The following NEB variants were observed in gnomAD, a reference collection of about 807,000 sequenced individuals.
NEB encodes the protein nebulin, also known as nemaline myopathy type 2.
In NEB, 512 loss-of-function variants were observed where a neutral mutation model predicts 952.2. That is an observed-to-expected ratio of 0.54 (90% CI 0.50 to 0.58). The LOEUF (loss-of-function observed/expected upper bound fraction) is 0.58, where lower values mean the gene tolerates loss of function less well. Among genes scored for constraint, NEB ranks in the 20% least tolerant of loss-of-function variants. The pLI is 0.00. For synonymous variants in NEB, 2,900 were observed against 3,149.8 expected, an observed-to-expected ratio of 0.92 and a Z score of 2.66; for missense variants, 8,428 against 9,231.1, an observed-to-expected ratio of 0.91 and a Z score of 3.56.
intron 65 of NEB, among the ~76,000 whole-genome samples, chr2:151,632,830 C>T (rs1422679410): frequency 6.6e-6 from 1 of 152,056 alleles, no homozygotes; most frequent in Non-Finnish European, 1.5e-5. Context: ...AGATGGTAAG[C>T]AATCTGTCAA....
intron 181 of NEB, among the ~76,000 whole-genome samples, chr2:151,488,457 G>C (rs1244288153): frequency 1.3e-5 from 2 of 150,416 alleles, no homozygotes; most frequent in East Asian, 1.9e-4. Flanking sequence ...GACCAGCCTG[G>C]GCAACATAGT....
intron 3 of NEB, 132 bp from the exon 4 acceptor site, chr2:151,729,788 A>AG: frequency 2.2e-6 from 2 of 895,052 alleles, no homozygotes; most frequent in South Asian, 2.8e-5. Context: ...GGGGTAGGTG[A>AG]GGGAGCCTGT....
intron 86 of NEB, 105 bp downstream of exon 86, chr2:151,603,463 GT>G: frequency 9.5e-7 from 1 of 1,056,504 alleles, no homozygotes. Flanking sequence ...ATGCAAACGT[GT>G]TTCAGATCCT....
chr2:151,675,946 CTT>C (rs776689113), intron 34 of NEB, among the ~76,000 whole-genome samples: 3 of 152,138 alleles, frequency 2.0e-5, no homozygotes, highest in Non-Finnish European at 4.4e-5. Flanking sequence ...ATTATATACA[CTT>C]TTGACTGAAA....
At chr2:151,578,525 G>C (rs1311380233) in intron 105 of NEB, among the ~76,000 whole-genome samples, 1 of 151,630 alleles carries the variant, frequency 6.6e-6, no homozygotes, top group African/African-American at 2.4e-5. Context: ...GCCGACTGTG[G>C]TGGCATGTGC....
rs1177903003 is a variant in NEB at position 151,541,401 on chromosome 2, C to A, written c.20682+46G>T. 2.7e-6 allele frequency: 4 copies of A among 1,463,136 alleles called. No individual in the cohort carries two copies. In the African/African-American group the frequency reaches 5.6e-5, roughly 20 times the overall value. 90.6% of individuals were successfully genotyped at this position (1,463,136 alleles called of 1,614,324 possible). A position where few individuals can be genotyped will look rare whatever the true frequency, so the allele number is the denominator to read the frequency against. ...AGGTGAGGCCAGGCACATATAATCA[C>A]CCCCTGTGATGCCTGAGTGGCAGGC... is the stretch of plus-strand genomic sequence containing the variant. On this transcript the variant is annotated intron_variant, in intron 136 of 181. Transcript: ENST00000397345.
intron 73 of NEB, 72 bp from the exon 74 acceptor site, chr2:151,618,550 C>A: frequency 7.1e-7 from 1 of 1,414,050 alleles, no homozygotes; most frequent in East Asian, 2.4e-5. Context: ...ATGGGTTATC[C>A]TAGAGAAACA....
chr2:151,544,663 C>T (rs904823427), intron 135 of NEB, among the ~76,000 whole-genome samples: 3 of 152,208 alleles, frequency 2.0e-5, no homozygotes, highest in Non-Finnish European at 4.4e-5. Context: ...TTTGCAAAAG[C>T]TGAAGAGTTA....
chr2:151,514,964 A>G (rs1385285520), intron 157 of NEB, 36 bp from the exon 158 acceptor site: 2 of 1,371,576 alleles, frequency 1.5e-6, no homozygotes, highest in Non-Finnish European at 2.0e-6. Context: ...AGTTAAAAAA[A>G]AATCTTTATT....
chr2:151,695,565 A>C lies in NEB; in HGVS notation c.1674+13T>G. On this transcript the variant is annotated intron_variant, in intron 18 of 181. Coordinates refer to ENST00000397345, the MANE Select transcript of NEB (RefSeq NM_001164508.2). ...GTCAGTACATCACATGGTACAGGGC[A>C]TAAGGAACTTACATCACTCAAGTTA... The C allele has an allele frequency of 1.3e-6, 2 of 1,597,296 alleles. No individual in the cohort carries two copies. Among genetic ancestry groups the C allele is most frequent in the Non-Finnish European group, 1.7e-6 (2 of 1,165,100 alleles).
Position 151,606,703 on chromosome 2 carries a change from T to C in NEB, c.12650A>G (p.Gln4217Arg). The change falls in exon 84 of 182, where the codon CAA (glutamine) becomes CGA (arginine). Residue 4217 changes from glutamine (Q) to arginine (R), a missense_variant. This residue lies in a region of NEB where 14 missense variants were observed against 46.4 expected (regional missense o/e 0.30). Transcript: ENST00000397345. ...NALQISNKLYQKDWNDAKQKG... is the reference protein window; with the variant it reads ...NALQISNKLYRKDWNDAKQKG... Reference sequence around the variant, plus strand: ...CTGCTTGGCGTCATTCCAGTCTTTTTGGTAGAGTTTCTATAGAGGGAAAAT... The same window carrying C: ...CTGCTTGGCGTCATTCCAGTCTTTTCGGTAGAGTTTCTATAGAGGGAAAAT... 1 of 945,874 alleles carries C rather than the reference T, an allele frequency of 1.1e-6. No homozygotes were observed. The highest frequency in any genetic ancestry group is 1.5e-6 in the Non-Finnish European group (1 of 673,052). The allele number at this position is 945,874 out of a possible 1,614,324, so 58.6% of individuals were successfully genotyped here. A position where few individuals can be genotyped will look rare whatever the true frequency, so the allele number is the denominator to read the frequency against.
chr2:151,486,982 G>GA (rs968852196), intron 181 of NEB, among the ~76,000 whole-genome samples: 1 of 152,098 alleles, frequency 6.6e-6, no homozygotes, highest in Admixed American at 6.5e-5. Flanking sequence ...GAGATGGTTG[G>GA]AAAAAAAGCT....
At chr2:151,494,044 A>C in intron 174 of NEB, 117 bp downstream of exon 174, 1 of 960,550 alleles carries the variant, frequency 1.0e-6, no homozygotes, top group Non-Finnish European at 1.6e-6. Context: ...TATTTAGAGC[A>C]GATGCAAATG....
intron 141 of NEB, among the ~76,000 whole-genome samples, chr2:151,536,623 G>C (rs529199721): frequency 2.2e-4 from 33 of 152,126 alleles, no homozygotes; most frequent in Non-Finnish European, 3.7e-4. Flanking sequence ...GCCCTAGAAT[G>C]AATCTGGCCC....
At chr2:151,574,974 A>G (rs901505746) in intron 107 of NEB, among the ~76,000 whole-genome samples, 2 of 152,106 alleles carry the variant, frequency 1.3e-5, no homozygotes, top group African/African-American at 2.4e-5. Flanking sequence ...TCCTGGGCTC[A>G]AGCAATCCTC....
chr2:151,542,207 T>G (rs1035754864), intron 135 of NEB, among the ~76,000 whole-genome samples: 2 of 152,200 alleles, frequency 1.3e-5, no homozygotes, highest in African/African-American at 4.8e-5. Flanking sequence ...TTCCTGTCTT[T>G]TAGACCTCCT....
intron 24 of NEB, chr2:151,690,124 G>A (rs1469218143): frequency 6.5e-6 from 1 of 154,010 alleles, no homozygotes; most frequent in African/African-American, 2.4e-5. Flanking sequence ...CACTTCAACA[G>A]GGTCAGCAGG....
In NEB at chr2:151,567,218, C is replaced by T. The variant is rs1196253295; in HGVS notation, c.18106G>A (p.Asp6036Asn). The change falls in exon 114 of 182, where the codon GAC (aspartate) becomes AAC (asparagine). Residue 6036 changes from aspartate to asparagine, a missense_variant. Asp to Asn is a conservative substitution (Grantham distance 23). Coordinates refer to ENST00000397345, the MANE Select transcript of NEB (RefSeq NM_001164508.2). ...NYLHQWMCHPDQNDVIQARKA... is the reference protein window; with the variant it reads ...NYLHQWMCHPNQNDVIQARKA... The stretch of plus-strand genomic sequence containing the variant: ...CTTGCCTGAATAACATCGTTCTGGT[C>T]AGGATGACACATCCATTGGTGCAAG... The T allele has an allele frequency of 7.4e-6, 12 of 1,613,328 alleles. No individual in the cohort carries two copies. Among genetic ancestry groups the T allele is most frequent in the Non-Finnish European group, 1.0e-5 (12 of 1,179,566 alleles).
rs868820101 is a variant in NEB at position 151,503,332 on chromosome 2, G to C, written c.23835+17C>G. On this transcript the variant is annotated intron_variant, in intron 166 of 181. Coordinates refer to ENST00000397345, the MANE Select transcript of NEB (RefSeq NM_001164508.2). ...TTTTATGGGAAATAGTTTCTTATAT[G>C]ATATATTTGTAAATACCGAGCTAAA... 1 of 1,547,192 alleles carries C rather than the reference G, an allele frequency of 6.5e-7. No individual in the cohort carries two copies. The highest frequency in any genetic ancestry group is 1.9e-4 in the Middle Eastern group (1 of 5,302).
Sources: allele counts gnomAD v4.1 joint callset (sites outside exome capture counted in the v4.1 genomes callset), GRCh38; gene constraint gnomAD v4.1.1; regional missense constraint gnomAD v4.1.1; transcripts MANE v1.5; gene names NCBI Gene and HGNC (gene_info 2026-07-23, HGNC 2026-07-21).